Variants in TMEM135 observed in about 807,000 individuals in gnomAD.
TMEM135 encodes transmembrane protein 135.
A neutral mutation model predicts 60.3 loss-of-function variants in TMEM135; 30 were observed. That is an observed-to-expected ratio of 0.50 (90% CI 0.37 to 0.68). The LOEUF (loss-of-function observed/expected upper bound fraction) is 0.68, where lower values mean the gene tolerates loss of function less well. Among genes scored for constraint, TMEM135 ranks in the 30% least tolerant of loss-of-function variants. The pLI is 0.00. For synonymous variants in TMEM135, 190 were observed against 186.7 expected, an observed-to-expected ratio of 1.02 and a Z score of -0.14; for missense variants, 468 against 548.8, an observed-to-expected ratio of 0.85 and a Z score of 1.47.
At position 87,320,581 on chromosome 11, in the gene TMEM135, T is replaced by C. The variant is rs1324175045; in HGVS notation, c.1245-620T>C. ...AATAAGCACAGAGACCCAGAAGGTC[T>C]ATCCTGTACATTAGCTAAATTTGTG... On this transcript the variant is annotated intron_variant, in intron 14 of 14. Coordinates refer to ENST00000305494, the MANE Select transcript of TMEM135 (RefSeq NM_022918.4). Among the ~76,000 whole-genome samples the C allele has an allele frequency of 2.0e-5, 3 of 152,204 alleles. No homozygotes were observed. The East Asian group carries it at 5.8e-4, about 29-fold the overall frequency.
chr11:87,050,349 A>T (rs1949829694), intron 1 of TMEM135, among the ~76,000 whole-genome samples: 1 of 46,228 alleles, frequency 2.2e-5, no homozygotes, highest in Non-Finnish European at 3.3e-5. Flanking sequence ...AGACACAAAA[A>T]ACCCTTCAAA....
rs71470736 is a variant in TMEM135 at position 87,305,776 on chromosome 11, AAAATAAAT to A, written c.699-136_699-129del. ...AGGGACAAGAGCGAGACTTTATCTCAAAATAAATAAATAAATAAATAAATAAATAAAGT... is the reference window on the plus strand; with the variant it reads ...AGGGACAAGAGCGAGACTTTATCTCAAAATAAATAAATAAATAAATAAAGT... On this transcript the variant is annotated intron_variant, in intron 8 of 14. Transcript: ENST00000305494. Among the ~76,000 whole-genome samples, 854 of 144,060 alleles carry A rather than the reference AAAATAAAT, an allele frequency of 5.9e-3. 11 individuals carry two copies. Among genetic ancestry groups the A allele is most frequent in the African/African-American group, 0.02 (798 of 39,402 alleles). 94.5% of individuals were successfully genotyped at this position (144,060 alleles called of 152,430 possible).
chr11:87,045,327 G>A (rs1383521471), intron 1 of TMEM135, among the ~76,000 whole-genome samples: 1 of 152,174 alleles, frequency 6.6e-6, no homozygotes, highest in Non-Finnish European at 1.5e-5. Context: ...ACCGCACCCG[G>A]CTGAAGTTGT....
At chr11:87,119,610 T>C (rs2932121) in intron 4 of TMEM135, among the ~76,000 whole-genome samples, 147,427 of 152,360 alleles carry the variant, frequency 0.97, 71,372 homozygotes, top group East Asian at 1. Flanking sequence ...ATCTGAGGCA[T>C]GAATCACTTG....
chr11:87,042,995 GC>G, intron 1 of TMEM135, among the ~76,000 whole-genome samples: 1 of 139,726 alleles, frequency 7.2e-6, no homozygotes, highest in East Asian at 2.2e-4. Flanking sequence ...CGCTCTTGTT[GC>G]TCAGGCTGGA....
At chr11:87,155,300 G>C (rs760010538) in intron 4 of TMEM135, among the ~76,000 whole-genome samples, 4 of 152,174 alleles carry the variant, frequency 2.6e-5, no homozygotes, top group Admixed American at 2.6e-4. Flanking sequence ...TGCCCAGACT[G>C]TTTTTAGTTT....
At chr11:87,129,829 T>C (rs1402482727) in intron 4 of TMEM135, among the ~76,000 whole-genome samples, 1 of 152,116 alleles carries the variant, frequency 6.6e-6, no homozygotes, top group Non-Finnish European at 1.5e-5. Flanking sequence ...GCGTGAGCCA[T>C]TGCGCTCGGC....
intron 4 of TMEM135, among the ~76,000 whole-genome samples, chr11:87,094,172 A>T: frequency 6.6e-6 from 1 of 152,152 alleles, no homozygotes; most frequent in Non-Finnish European, 1.5e-5. Flanking sequence ...TGAAACTTTG[A>T]TTGCTTTGGT....
chr11:87,325,391 G>C lies in TMEM135; in HGVS notation c.*4058G>C. 4.4e-6 allele frequency: 2 copies of C among 454,074 alleles called. No homozygotes were observed. Among genetic ancestry groups the C allele is most frequent in the Non-Finnish European group, 8.8e-6 (2 of 226,772 alleles). 28.1% of individuals were successfully genotyped at this position (454,074 alleles called of 1,614,324 possible). ...TTACAGCTGTGGTGAATAAGAATGT[G>C]TGCTATTTTACACACAGAAGAAAAT... On this transcript the variant is annotated 3_prime_UTR_variant, in exon 15 of 15. Coordinates refer to ENST00000305494, the MANE Select transcript of TMEM135 (RefSeq NM_022918.4).
intron 5 of TMEM135, among the ~76,000 whole-genome samples, chr11:87,167,682 T>C (rs963869309): frequency 6.6e-6 from 1 of 152,104 alleles, no homozygotes; most frequent in Non-Finnish European, 1.5e-5. Context: ...TGGATAAGCT[T>C]TTTGATGTGG....
Position 87,168,997 on chromosome 11 carries a change from ATATATATT to A in TMEM135, c.462+11594_462+11601del, listed in dbSNP as rs538738972. On this transcript the variant is annotated intron_variant, in intron 5 of 14. Transcript: ENST00000305494. ...ATCTGGGTGCTCCTGTATTGGGTGC[ATATATATT>A]TAGGATAGTTAACTCATCTTGTTGC... Among the ~76,000 whole-genome samples the A allele has an allele frequency of 5.9e-5, 9 of 152,166 alleles. No homozygotes were observed. In the South Asian group the frequency reaches 1.9e-3, roughly 32 times the overall value.
chr11:87,143,850 G>A (rs1449731102), intron 4 of TMEM135, among the ~76,000 whole-genome samples: 1 of 152,116 alleles, frequency 6.6e-6, no homozygotes, highest in Non-Finnish European at 1.5e-5. Flanking sequence ...ATAGTTTTCT[G>A]CTGTCAGAAC....
intron 4 of TMEM135, among the ~76,000 whole-genome samples, chr11:87,098,699 A>AT (rs765968633): frequency 6.6e-5 from 10 of 150,872 alleles, no homozygotes; most frequent in Admixed American, 3.3e-4. Context: ...ATATATATAT[A>AT]TTTTTTTGAG....
chr11:87,321,736 A>G lies in TMEM135; in HGVS notation c.*403A>G. On this transcript the variant is annotated 3_prime_UTR_variant, in exon 15 of 15. Transcript: ENST00000305494. ...GGATTATTTCTACATTTTAGGATTT[A>G]CAAAGGATCACGGGTACATGGATTT... is the stretch of plus-strand genomic sequence containing the variant. The G allele has an allele frequency of 4.4e-6, 2 of 456,292 alleles. No individual in the cohort carries two copies. Among genetic ancestry groups the G allele is most frequent in the South Asian group, 3.1e-5 (2 of 64,452 alleles). The allele number at this position is 456,292 out of a possible 1,614,324, so 28.3% of individuals were successfully genotyped here. A position where few individuals can be genotyped will look rare whatever the true frequency, so the allele number is the denominator to read the frequency against.
chr11:87,139,033 T>A (rs748396234), intron 4 of TMEM135, among the ~76,000 whole-genome samples: 17 of 152,210 alleles, frequency 1.1e-4, no homozygotes, highest in Non-Finnish European at 1.8e-4. Flanking sequence ...TATTACTGGC[T>A]TTAGTATTTC....
chr11:87,320,940 G>T (rs1167933625), intron 14 of TMEM135, among the ~76,000 whole-genome samples: 1 of 152,042 alleles, frequency 6.6e-6, no homozygotes, highest in Non-Finnish European at 1.5e-5. Flanking sequence ...TTAAAATAAT[G>T]GTTGTAATCT....
At chr11:87,318,054 G>A in intron 12 of TMEM135, 83 bp from the exon 13 acceptor site, 1 of 1,028,492 alleles carries the variant, frequency 9.7e-7, no homozygotes, top group Non-Finnish European at 1.5e-6. Context: ...CAGAAAGGTT[G>A]TAGGCAGGGA....
chr11:87,067,071 C>T (rs11234941), intron 1 of TMEM135, among the ~76,000 whole-genome samples: 14,626 of 149,546 alleles, frequency 0.098, 802 homozygotes, highest in East Asian at 0.17. Context: ...TGAGCCACCG[C>T]GCCCGGCCTA....
At chr11:87,080,615 C>CT (rs1321699342) in intron 3 of TMEM135, among the ~76,000 whole-genome samples, 2 of 151,996 alleles carry the variant, frequency 1.3e-5, no homozygotes, top group Non-Finnish European at 2.9e-5. Context: ...TGAATTGAAC[C>CT]TTTTATCCAT....
Sources: gnomAD v4.1 joint callset for allele counts (sites outside exome capture counted in the v4.1 genomes callset) on GRCh38, gnomAD v4.1.1 for gene constraint, MANE v1.5 for transcripts, NCBI Gene and HGNC (gene_info 2026-07-23, HGNC 2026-07-21) for gene names.